CYFIP1: variants seen among roughly 807,000 people sequenced by gnomAD.
The protein encoded by CYFIP1 is cytoplasmic FMR1 interacting protein 1.
In CYFIP1, 58 loss-of-function variants were observed where a neutral mutation model predicts 163.5. That is an observed-to-expected ratio of 0.35 (90% confidence interval 0.29 to 0.44). The LOEUF (loss-of-function observed/expected upper bound fraction) is 0.44, where lower values mean the gene tolerates loss of function less well. CYFIP1 is among the 20% of genes least tolerant of loss of function. The pLI, the probability that CYFIP1 is intolerant of heterozygous loss-of-function variation, is 1.00. For missense variants in CYFIP1, 1,338 were observed against 1,653.8 expected (o/e 0.81, Z 3.31); for synonymous variants, 663 against 660.7 (o/e 1.00, Z -0.05).
At chr15:22,914,091 G>T (rs2060886434) in intron 17 of CYFIP1, among the ~76,000 whole-genome samples, 1 of 152,178 alleles carries the variant, frequency 6.6e-6, no homozygotes, top group Middle Eastern at 3.2e-3. Context: ...CCACAGTCCT[G>T]ATCCCCAGAA....
Position 22,927,933 on chromosome 15 carries a change from C to A in CYFIP1, c.1206G>T (p.Ser402=), listed in dbSNP as rs764111168. ...CTTCCATCACGTGCGCGCTCCACTG[C>A]GACAACAGCTGCAGGCCCTGCAGCG... ...DLALQGLQLL[S]QWSAHVMEVY... The change falls in exon 12 of 31, where the codon TCG becomes TCT. Residue 402 remains serine (S), a synonymous_variant. Transcript: ENST00000617928. The A allele has an allele frequency of 1.2e-5, 20 of 1,606,224 alleles. No homozygotes were observed. The African/African-American group carries it at 2.3e-4, about 18-fold the overall frequency.
intron 12 of CYFIP1, among the ~76,000 whole-genome samples, 179 bp downstream of exon 12, chr15:22,927,727 C>A (rs1472862249): frequency 6.6e-6 from 1 of 151,998 alleles, no homozygotes; most frequent in Non-Finnish European, 1.5e-5. Flanking sequence ...AAAAAGGAGG[C>A]CCTTCATTTA....
Position 22,931,686 on chromosome 15 carries a change from G to GAAAAAAAAAAAAAAAA in CYFIP1, c.1110+521_1110+536dup, listed in dbSNP as rs766177290. Among the ~76,000 whole-genome samples the GAAAAAAAAAAAAAAAA allele has an allele frequency of 6.0e-4, 24 of 39,714 alleles. 2 individuals carry two copies. The highest frequency in any genetic ancestry group is 8.8e-4 in the Admixed American group (2 of 2,276). The allele number at this position is 39,714 out of a possible 152,430, so 26.1% of individuals were successfully genotyped here. A position where few individuals can be genotyped will look rare whatever the true frequency, so the allele number is the denominator to read the frequency against. On this transcript the variant is annotated intron_variant, in intron 11 of 30. Transcript: ENST00000617928. ...CTTGGGATCCCTATAATGTTTTTCT[G>GAAAAAAAAAAAAAAAA]AAAAAAAAAAAAAAAAAAAAAAAAG...
chr15:22,900,041 C>T (rs184297415), intron 22 of CYFIP1, among the ~76,000 whole-genome samples: 63 of 152,150 alleles, frequency 4.1e-4, no homozygotes, highest in Admixed American at 1.3e-3. Context: ...GAGACTCCGT[C>T]GAAAAAGATA....
chr15:22,879,216 C>A (rs148143197), intron 26 of CYFIP1, among the ~76,000 whole-genome samples: 3 of 152,000 alleles, frequency 2.0e-5, no homozygotes, highest in Non-Finnish European at 4.4e-5. Flanking sequence ...GAAGACGCAA[C>A]GAACGAAGAG....
intron 26 of CYFIP1, among the ~76,000 whole-genome samples, chr15:22,877,941 G>A (rs753835570): frequency 2.0e-5 from 3 of 152,260 alleles, no homozygotes; most frequent in Non-Finnish European, 4.4e-5. Context: ...GCACAGGCTG[G>A]TGTGAGGCGG....
chr15:22,938,075 G>A (rs1779686356), intron 8 of CYFIP1, among the ~76,000 whole-genome samples: 1 of 152,174 alleles, frequency 6.6e-6, no homozygotes, highest in African/African-American at 2.4e-5. Context: ...CTGGGCTGGT[G>A]GGACACCCAG....
chr15:22,960,666 G>C (rs1326023558), intron 1 of CYFIP1, among the ~76,000 whole-genome samples: 1 of 152,256 alleles, frequency 6.6e-6, no homozygotes, highest in Non-Finnish European at 1.5e-5. Flanking sequence ...TCCAGAACAT[G>C]TGAAGGAAAC....
At chr15:22,904,230 C>T (rs2060496609) in intron 21 of CYFIP1, 1 of 420,392 alleles carries the variant, frequency 2.4e-6, no homozygotes, top group East Asian at 4.9e-5. Context: ...CCCGGCCCTG[C>T]CCTGCAGTAT....
intron 9 of CYFIP1, among the ~76,000 whole-genome samples, chr15:22,934,177 CTT>C (rs1163626431): frequency 1.1e-4 from 7 of 66,144 alleles, no homozygotes; most frequent in South Asian, 6.4e-4. Flanking sequence ...GCATTTCTTT[CTT>C]TTTTTTTTTT....
intron 25 of CYFIP1, among the ~76,000 whole-genome samples, 179 bp downstream of exon 25, chr15:22,881,667 T>G (rs2059767386): frequency 6.6e-6 from 1 of 152,146 alleles, no homozygotes; most frequent in African/African-American, 2.4e-5. Context: ...CAGGCTGACC[T>G]CTGCTTCCTC....
chr15:22,937,859 C>T (rs2061765891), intron 8 of CYFIP1, among the ~76,000 whole-genome samples: 1 of 152,174 alleles, frequency 6.6e-6, no homozygotes, highest in Non-Finnish European at 1.5e-5. Context: ...CCCACCTCAA[C>T]TCCCAAAGTG....
At chr15:22,949,828 A>C (rs149329003) in intron 1 of CYFIP1, among the ~76,000 whole-genome samples, 1 of 152,122 alleles carries the variant, frequency 6.6e-6, no homozygotes, top group Non-Finnish European at 1.5e-5. Flanking sequence ...GGACTTCGAA[A>C]TCCTTAGAGC....
At chr15:22,912,327 C>T (rs373316248) in intron 17 of CYFIP1, 52 bp from the exon 18 acceptor site, 141 of 1,379,304 alleles carry the variant, frequency 1.0e-4, no homozygotes, top group Non-Finnish European at 1.3e-4. Flanking sequence ...TCACTCGCAG[C>T]TCCGACAGCC....
At chr15:22,957,943 G>A (rs570756630) in intron 1 of CYFIP1, among the ~76,000 whole-genome samples, 10 of 152,264 alleles carry the variant, frequency 6.6e-5, no homozygotes, top group Admixed American at 4.6e-4. Context: ...AGGGGACCGC[G>A]CCAGCATGGC....
chr15:22,909,088 G>T, intron 21 of CYFIP1, 106 bp downstream of exon 21: 1 of 1,405,346 alleles, frequency 7.1e-7, no homozygotes, highest in Non-Finnish European at 9.9e-7. Flanking sequence ...TATACAAGAG[G>T]CTTGGTATAG....
At chr15:22,980,185 GT>G (rs2063436864) in intron 1 of CYFIP1, 101 bp downstream of exon 1, 1 of 145,124 alleles carries the variant, frequency 6.9e-6, no homozygotes, top group Non-Finnish European at 1.5e-5. Context: ...GGAGGGGGGG[GT>G]CCGTCCCGGC....
At chr15:22,968,929 C>A (rs953020228) in intron 1 of CYFIP1, among the ~76,000 whole-genome samples, 2 of 152,170 alleles carry the variant, frequency 1.3e-5, no homozygotes, top group Non-Finnish European at 2.9e-5. Context: ...AACTTCACCA[C>A]TTCAGCTGTG....
At chr15:22,872,343 A>T (rs529663007) in intron 30 of CYFIP1, among the ~76,000 whole-genome samples, 57 of 152,002 alleles carry the variant, frequency 3.7e-4, no homozygotes, top group African/African-American at 1.2e-3. Flanking sequence ...CAACAAAGAG[A>T]TGTGGAGAAT....
Sources: gnomAD v4.1 joint callset for allele counts (sites outside exome capture counted in the v4.1 genomes callset) on GRCh38, gnomAD v4.1.1 for gene constraint, MANE v1.5 for transcripts, NCBI Gene and HGNC (gene_info 2026-07-23, HGNC 2026-07-21) for gene names.